The following KIAA1958 variants were observed in gnomAD, a reference collection of about 807,000 sequenced individuals.
KIAA1958 encodes KIAA1958, also known as uncharacterized protein KIAA1958.
Under a neutral mutation model 47.2 loss-of-function variants are expected in KIAA1958, and 14 were observed. That is an observed-to-expected ratio of 0.30 (90% CI 0.20 to 0.46). The LOEUF (loss-of-function observed/expected upper bound fraction) is 0.46, where lower values mean the gene tolerates loss of function less well. KIAA1958 is among the 20% of genes least tolerant of loss of function. The pLI is 1.00. For synonymous variants in KIAA1958, 354 were observed against 353.3 expected (o/e 1.00, Z -0.02); for missense variants, 803 against 909.2 (o/e 0.88, Z 1.50).
At chr9:112,600,517 CAT>C (rs1387319239) in intron 2 of KIAA1958, among the ~76,000 whole-genome samples, 2 of 152,204 alleles carry the variant, frequency 1.3e-5, no homozygotes, top group African/African-American at 4.8e-5. Flanking sequence ...CATACAGTCA[CAT>C]AGTGTCTCTT....
intron 2 of KIAA1958, among the ~76,000 whole-genome samples, chr9:112,626,796 A>G (rs987014609): frequency 6.6e-6 from 1 of 151,118 alleles, no homozygotes; most frequent in South Asian, 2.1e-4. Flanking sequence ...ATAATGAAAT[A>G]ACTTTTGTTT....
At chr9:112,489,088 C>T (rs1230661236) in intron 1 of KIAA1958, among the ~76,000 whole-genome samples, 1 of 152,208 alleles carries the variant, frequency 6.6e-6, no homozygotes, top group Non-Finnish European at 1.5e-5. Context: ...AGGCCCTTGA[C>T]TAGCGTTCCT....
At chr9:112,522,443 C>G (rs1834563253) in intron 1 of KIAA1958, among the ~76,000 whole-genome samples, 1 of 152,200 alleles carries the variant, frequency 6.6e-6, no homozygotes, top group Non-Finnish European at 1.5e-5. Context: ...CTAAGTAGCT[C>G]TGGGCCTGCT....
chr9:112,558,364 A>T (rs1047754356), intron 1 of KIAA1958, among the ~76,000 whole-genome samples: 7 of 152,234 alleles, frequency 4.6e-5, no homozygotes, highest in African/African-American at 1.7e-4. Flanking sequence ...AAGTAGATTG[A>T]GTCAGAATAT....
intron 1 of KIAA1958, among the ~76,000 whole-genome samples, chr9:112,524,043 T>A (rs973330656): frequency 6.6e-6 from 1 of 152,244 alleles, no homozygotes; most frequent in African/African-American, 2.4e-5. Context: ...TGATTTCAAC[T>A]ATTTTTTTAA....
intron 2 of KIAA1958, among the ~76,000 whole-genome samples, chr9:112,640,268 C>G (rs1272344734): frequency 1.3e-5 from 2 of 152,238 alleles, no homozygotes; most frequent in Non-Finnish European, 2.9e-5. Flanking sequence ...TACAGTTAAG[C>G]CCTTCCTGGA....
intron 1 of KIAA1958, among the ~76,000 whole-genome samples, chr9:112,568,936 TAAAAAAAAAA>T (rs57898820): frequency 3.3e-4 from 12 of 36,456 alleles, no homozygotes; most frequent in Admixed American, 5.4e-4. Context: ...ATAGGAAAAC[TAAAAAAAAAA>T]AAAAAAAAAA....
chr9:112,549,332 C>G (rs534752171), intron 1 of KIAA1958, among the ~76,000 whole-genome samples: 4 of 152,190 alleles, frequency 2.6e-5, no homozygotes, highest in Non-Finnish European at 5.9e-5. Flanking sequence ...GGTTTTATAA[C>G]TCTCCGTACT....
At chr9:112,541,986 A>G (rs901544269) in intron 1 of KIAA1958, among the ~76,000 whole-genome samples, 3 of 152,210 alleles carry the variant, frequency 2.0e-5, no homozygotes, top group East Asian at 1.9e-4. Flanking sequence ...ATAAGCAAAT[A>G]TATTTTTCTT....
chr9:112,669,380 A>G lies in KIAA1958; in HGVS notation c.*9311A>G, dbSNP rs1307494097. 1 of 152,258 alleles carries G rather than the reference A, an allele frequency of 6.6e-6. No homozygotes were observed. Among genetic ancestry groups the G allele is most frequent in the Non-Finnish European group, 1.5e-5 (1 of 68,052 alleles). The allele number at this position is 152,258 out of a possible 1,614,324, so 9.4% of individuals were successfully genotyped here. A position where few individuals can be genotyped will look rare whatever the true frequency, so the allele number is the denominator to read the frequency against. On this transcript the variant is annotated 3_prime_UTR_variant, in exon 4 of 4. Transcript: ENST00000337530. ...TGTTCAACCCAGATTTTTAAACAAT[A>G]AAAAGATTTAATGTATACTTTCTGT...
chr9:112,649,019 C>T (rs1053817486), intron 3 of KIAA1958, among the ~76,000 whole-genome samples: 2 of 151,436 alleles, frequency 1.3e-5, no homozygotes, highest in Non-Finnish European at 2.9e-5. Context: ...TAAAAAGGAC[C>T]AAAAATGAAC....
intron 2 of KIAA1958, among the ~76,000 whole-genome samples, chr9:112,630,960 A>G (rs549882908): frequency 2.0e-5 from 3 of 152,250 alleles, no homozygotes. Context: ...TGCAAGTTTT[A>G]CACTTAAAAT....
rs746472881 is a variant in KIAA1958 at position 112,659,597 on chromosome 9, T to G, written c.1679T>G (p.Val560Gly). ...CCTATCACTCTCCTGTCCACTGTGG[T>G]CAAGTACAACAGCCAGTACCTGAAC... ...DSPITLLSTV[V>G]KYNSQYLNMR... is the part of the protein sequence containing the mutation. Residue 560 changes from valine to glycine, a missense_variant, in exon 4 of 4, where the codon GTC becomes GGC. Physicochemically the swap from Val to Gly is moderately radical, Grantham distance 109. Transcript: ENST00000337530. The G allele has an allele frequency of 1.2e-6, 2 of 1,613,736 alleles. No individual in the cohort carries two copies. Among genetic ancestry groups the G allele is most frequent in the Non-Finnish European group, 1.7e-6 (2 of 1,179,870 alleles).
intron 1 of KIAA1958, among the ~76,000 whole-genome samples, chr9:112,562,428 C>G (rs1564173211): frequency 6.6e-6 from 1 of 152,144 alleles, no homozygotes; most frequent in African/African-American, 2.4e-5. Flanking sequence ...CTCTTCACCC[C>G]TGCACTGTCC....
intron 1 of KIAA1958, among the ~76,000 whole-genome samples, chr9:112,495,618 A>G (rs934291867): frequency 7.9e-5 from 12 of 152,332 alleles, no homozygotes; most frequent in African/African-American, 2.6e-4. Flanking sequence ...GGAAAGCTGT[A>G]TGGCCATATC....
At chr9:112,559,321 G>A (rs78443371) in intron 1 of KIAA1958, among the ~76,000 whole-genome samples, 16,946 of 152,206 alleles carry the variant, frequency 0.11, 1,384 homozygotes, top group East Asian at 0.19. Flanking sequence ...AAAACACACT[G>A]ATAAACTTTG....
At chr9:112,650,743 T>C (rs1446278976) in intron 3 of KIAA1958, among the ~76,000 whole-genome samples, 1 of 152,204 alleles carries the variant, frequency 6.6e-6, no homozygotes, top group African/African-American at 2.4e-5. Flanking sequence ...AGAGAGATAC[T>C]GTCGGACTGG....
At chr9:112,489,108 C>T (rs1338636706) in intron 1 of KIAA1958, among the ~76,000 whole-genome samples, 1 of 152,190 alleles carries the variant, frequency 6.6e-6, no homozygotes, top group Non-Finnish European at 1.5e-5. Context: ...TTGTCCCTCT[C>T]CATTCCTAGT....
At chr9:112,519,706 G>C (rs1227846716) in intron 1 of KIAA1958, among the ~76,000 whole-genome samples, 2 of 152,134 alleles carry the variant, frequency 1.3e-5, no homozygotes, top group East Asian at 3.9e-4. Context: ...AGTTCTTTGA[G>C]GCTTTTCCAG....
Sources: gnomAD v4.1 joint callset for allele counts (sites outside exome capture counted in the v4.1 genomes callset) on GRCh38, gnomAD v4.1.1 for gene constraint, MANE v1.5 for transcripts, NCBI Gene and HGNC (gene_info 2026-07-23, HGNC 2026-07-21) for gene names.